The following CLIC5 variants were observed in gnomAD, a reference collection of about 807,000 sequenced individuals.
CLIC5 encodes chloride intracellular channel protein 5.
A neutral mutation model predicts 24.7 loss-of-function variants in CLIC5; 20 were observed. The ratio of observed to expected loss-of-function variants is 0.81; its 90% CI spans 0.57 to 1.18. The LOEUF (loss-of-function observed/expected upper bound fraction) is 1.18. CLIC5 is among the 50% of genes most tolerant of loss of function. The pLI is 0.00. For missense variants in CLIC5, 341 were observed against 326.1 expected (o/e 1.05, Z -0.35); for synonymous variants, 159 against 135.6 (o/e 1.17, Z -1.20).
At chr6:45,880,927 G>A (rs928348360), downstream of CLIC5, 8 of 387,696 alleles carry the variant, frequency 2.1e-5, no homozygotes, top group African/African-American at 1.7e-4. Flanking sequence ...CATTTCAAGA[G>A]CTAGACATGA....
intron 1 of CLIC5, among the ~76,000 whole-genome samples, chr6:45,978,054 G>A (rs529001943): frequency 6.6e-6 from 1 of 152,286 alleles, no homozygotes; most frequent in African/African-American, 2.4e-5. Flanking sequence ...CCACTTACTA[G>A]GGTTGTAATC....
rs368459293 is a variant in CLIC5, at chr6:46,042,766, T to C, written c.540+36937A>G. On this transcript the variant is annotated intron_variant, in intron 1 of 5. Transcript: ENST00000185206. ...TGGAGTATTGAGTCTCGGTTCCTGT[T>C]TGCCAGGTGAGGATGCAGAACCTCA... Among the ~76,000 whole-genome samples the C allele has an allele frequency of 5.3e-5, 8 of 152,282 alleles. No individual in the cohort carries two copies. The East Asian group carries it at 1.5e-3, about 29-fold the overall frequency.
intron 1 of CLIC5, among the ~76,000 whole-genome samples, chr6:46,005,834 C>T (rs1766532663): frequency 6.6e-6 from 1 of 151,524 alleles, no homozygotes; most frequent in Non-Finnish European, 1.5e-5. Flanking sequence ...ACATTGTGGC[C>T]CTCACCAGAC....
At chr6:46,120,003 G>T in the CLIC5 span, among the ~76,000 whole-genome samples, 1 of 152,216 alleles carries the variant, frequency 6.6e-6, no homozygotes, top group Admixed American at 6.5e-5. Flanking sequence ...TCCACCTCTG[G>T]GGGCAGGGCA....
intron 1 of CLIC5, among the ~76,000 whole-genome samples, chr6:45,980,133 C>T (rs1005116314): frequency 5.9e-5 from 9 of 152,022 alleles, no homozygotes; most frequent in African/African-American, 2.2e-4. Context: ...GCCTGTTATC[C>T]CAGCACTGTT....
chr6:45,975,803 C>T (rs1765365357), intron 1 of CLIC5, among the ~76,000 whole-genome samples: 1 of 152,186 alleles, frequency 6.6e-6, no homozygotes, highest in African/African-American at 2.4e-5. Flanking sequence ...CAGTACCATT[C>T]ATCACCCTCA....
intron 1 of CLIC5, among the ~76,000 whole-genome samples, chr6:45,998,448 G>A (rs1398186580): frequency 6.6e-6 from 1 of 152,210 alleles, no homozygotes; most frequent in Non-Finnish European, 1.5e-5. Flanking sequence ...GGTAGAATTA[G>A]GGAATGAGTT....
the CLIC5 span, among the ~76,000 whole-genome samples, chr6:46,123,721 C>T: frequency 1.5e-5 from 2 of 135,218 alleles, no homozygotes; most frequent in Non-Finnish European, 3.4e-5. Flanking sequence ...AGCTGATAAG[C>T]AACTTCAGCA....
At position 46,021,492 on chromosome 6, in the gene CLIC5, A is replaced by G. The variant is rs147037743; in HGVS notation, c.540+58211T>C. Among the ~76,000 whole-genome samples, 507 of 152,284 alleles carry G rather than the reference A, an allele frequency of 3.3e-3. 3 individuals carry two copies. Among genetic ancestry groups the G allele is most frequent in the African/African-American group, 0.011 (474 of 41,564 alleles). ...CTTGGTACATAAATTTTTTTTTACAAAAGTATTATTCATAATTGCCCCAAA... is the reference window on the plus strand; with the variant it reads ...CTTGGTACATAAATTTTTTTTTACAGAAGTATTATTCATAATTGCCCCAAA... On this transcript the variant is annotated intron_variant, in intron 1 of 5. Coordinates refer to the CLIC5 transcript ENST00000185206.
At chr6:46,045,155 G>A (rs1767919867) in intron 1 of CLIC5, among the ~76,000 whole-genome samples, 1 of 152,048 alleles carries the variant, frequency 6.6e-6, no homozygotes, top group Non-Finnish European at 1.5e-5. Flanking sequence ...GTTTGCCAGA[G>A]GAATTAGCTT....
At chr6:46,100,766 T>C in the CLIC5 span, among the ~76,000 whole-genome samples, 1 of 152,200 alleles carries the variant, frequency 6.6e-6, no homozygotes, top group Non-Finnish European at 1.5e-5. Flanking sequence ...GAAGTTTCGC[T>C]GAAAAATCAA....
chr6:46,060,717 G>A (rs1328337353), intron 1 of CLIC5, among the ~76,000 whole-genome samples: 1 of 150,828 alleles, frequency 6.6e-6, no homozygotes, highest in African/African-American at 2.5e-5. Context: ...TGCCACCCTG[G>A]TGCCTGCATT....
At chr6:45,992,882 C>A (rs189758774) in intron 1 of CLIC5, among the ~76,000 whole-genome samples, 1 of 152,246 alleles carries the variant, frequency 6.6e-6, no homozygotes, top group African/African-American at 2.4e-5. Context: ...GATAATTACC[C>A]CCCTGCCTTG....
intron 4 of CLIC5, among the ~76,000 whole-genome samples, chr6:45,923,719 G>A (rs1006992309): frequency 3.4e-4 from 51 of 152,110 alleles, no homozygotes; most frequent in African/African-American, 1.2e-3. Context: ...AGTATTCATC[G>A]GATCGTGAAC....
At chr6:46,113,258 C>G in the CLIC5 span, among the ~76,000 whole-genome samples, 3 of 152,162 alleles carry the variant, frequency 2.0e-5, no homozygotes, top group Admixed American at 2.0e-4. Flanking sequence ...AAATGAGCCA[C>G]AGGAAATGAT....
At chr6:45,963,132 CT>C (rs1432342114) in intron 1 of CLIC5, among the ~76,000 whole-genome samples, 14 of 152,180 alleles carry the variant, frequency 9.2e-5, no homozygotes. Context: ...TATTTAACAA[CT>C]TCTGAAATTG....
chr6:45,966,644 C>A (rs1456975677), intron 1 of CLIC5, among the ~76,000 whole-genome samples: 1 of 152,152 alleles, frequency 6.6e-6, no homozygotes, highest in African/African-American at 2.4e-5. Flanking sequence ...CGTTGTTTCT[C>A]CCTCCTCTTT....
chr6:46,092,405 GATT>G, the CLIC5 span, among the ~76,000 whole-genome samples: 1 of 150,194 alleles, frequency 6.7e-6, no homozygotes, highest in East Asian at 1.9e-4. Flanking sequence ...TCTTCCTCAT[GATT>G]ATTATTTTTT....
intron 2 of CLIC5, among the ~76,000 whole-genome samples, chr6:45,953,552 A>G (rs1764539224): frequency 6.6e-6 from 1 of 152,196 alleles, no homozygotes. Context: ...AAGGCAGGCC[A>G]GCCTGACAGA....
Sources: allele counts gnomAD v4.1 joint callset (sites outside exome capture counted in the v4.1 genomes callset), GRCh38; gene constraint gnomAD v4.1.1; transcripts MANE v1.5; gene names NCBI Gene and HGNC (gene_info 2026-07-23, HGNC 2026-07-21).